Variants in KIRREL3 observed in about 807,000 individuals in gnomAD.
KIRREL3 encodes the protein kirre like nephrin family adhesion molecule 3.
KIRREL3 carries 36 observed loss-of-function variants against 89.7 expected under a neutral mutation model. The ratio of observed to expected loss-of-function variants is 0.40; its 90% confidence interval spans 0.31 to 0.53. KIRREL3 has a LOEUF of 0.53. Among genes scored for constraint, KIRREL3 ranks in the 20% least tolerant of loss-of-function variants. The probability of loss-of-function intolerance (pLI) is 0.49; values close to 1 mark genes in which losing one functional copy is unlikely to be tolerated. For missense variants in KIRREL3, 864 were observed against 1,056.6 expected, an observed-to-expected ratio of 0.82 and a Z score of 2.53; for synonymous variants, 445 against 441.4, an observed-to-expected ratio of 1.01 and a Z score of -0.10.
rs185254554 is a variant in KIRREL3 at position 126,435,051 on chromosome 11, C to A, written c.1588+217G>T. ...GAGAGGAAGGAGTTGTGGGTTCCGG[C>A]GGCAGGCAGGAGACAGGTCTCTGGG... On this transcript the variant is annotated intron_variant, in intron 13 of 16. Coordinates refer to ENST00000525144, the MANE Select transcript of KIRREL3 (RefSeq NM_032531.4). 4.4e-3 allele frequency among the ~76,000 whole-genome samples: 671 copies of A among 152,174 alleles called. 6 individuals are homozygous for A. Among genetic ancestry groups the A allele is most frequent in the African/African-American group, 0.016 (652 of 41,528 alleles).
intron 4 of KIRREL3, among the ~76,000 whole-genome samples, chr11:126,478,825 C>T (rs548775816): frequency 2.0e-5 from 3 of 152,066 alleles, no homozygotes; most frequent in South Asian, 4.2e-4. Context: ...CAGTTGGGAA[C>T]GGGCTGCGTG....
At chr11:126,518,675 G>A (rs1958493245) in intron 4 of KIRREL3, among the ~76,000 whole-genome samples, 1 of 152,220 alleles carries the variant, frequency 6.6e-6, no homozygotes, top group African/African-American at 2.4e-5. Flanking sequence ...AGGCGGCTGG[G>A]CCAAGGAGCA....
intron 2 of KIRREL3, among the ~76,000 whole-genome samples, chr11:126,538,179 G>A (rs914393984): frequency 6.6e-6 from 1 of 152,224 alleles, no homozygotes; most frequent in Non-Finnish European, 1.5e-5. Flanking sequence ...CTGCTCATCC[G>A]GGTTGGCTTC....
At chr11:126,980,004 A>T (rs1949679159) in intron 1 of KIRREL3, among the ~76,000 whole-genome samples, 1 of 152,220 alleles carries the variant, frequency 6.6e-6, no homozygotes, top group South Asian at 2.1e-4. Context: ...AGTCAAGAAC[A>T]AGCTGGACAG....
At position 126,436,890 on chromosome 11, in the gene KIRREL3, G is replaced by T. The variant is rs547178906; in HGVS notation, c.1473C>A (p.Ala491=). 1.2e-6 allele frequency: 2 copies of T among 1,613,538 alleles called. No individual in the cohort carries two copies. The highest frequency in any genetic ancestry group is 1.1e-5 in the South Asian group (1 of 91,066). The change falls in exon 12 of 17, where the codon GCC becomes GCA. Residue 491 remains alanine, a synonymous_variant. Transcript: ENST00000525144. ...STLTISNIVR[A]DFQTIYNCTA... is the part of the protein sequence containing the mutation. The stretch of plus-strand genomic sequence containing the variant: ...TGCAGTTGTAGATGGTCTGGAAGTC[G>T]GCCCGCACGATGTTGCTGATGGTCA...
chr11:126,442,313 AACACACACACACACAC>A (rs71984147), intron 10 of KIRREL3, among the ~76,000 whole-genome samples: 39 of 136,602 alleles, frequency 2.9e-4, no homozygotes, highest in African/African-American at 7.4e-4. Flanking sequence ...AGACACACAA[AACACACACACACACAC>A]ACACACACAC....
At chr11:126,661,798 A>G (rs1392199462) in intron 1 of KIRREL3, among the ~76,000 whole-genome samples, 1 of 152,174 alleles carries the variant, frequency 6.6e-6, no homozygotes, top group East Asian at 1.9e-4. Context: ...TGTATGAATA[A>G]TTTTAAAAAT....
chr11:126,489,626 G>A lies in KIRREL3; in HGVS notation c.434-16160C>T, dbSNP rs1957456050. ...TAAGTTTGGACCCAGGACAGCTGGT[G>A]TCCCCTGGCTTTCCTGAGACCTTGG... On this transcript the variant is annotated intron_variant, in intron 4 of 16. Transcript: ENST00000525144. The surrounding 1 kb of genome is among the most constrained non-coding windows in gnomAD (Gnocchi z 5.5). Among the ~76,000 whole-genome samples, 1 of 152,128 alleles carries A rather than the reference G, an allele frequency of 6.6e-6. No individual in the cohort carries two copies. Among genetic ancestry groups the A allele is most frequent in the Admixed American group, 6.5e-5 (1 of 15,270 alleles).
rs1280266750 is a variant in KIRREL3, at chr11:126,977,889, G to T, written c.55+22566C>A. ...ATGTATGGTTGATATTTTGGATCAGGAAAGAGCATCAATTTCCTGTGTACC... is the reference window on the plus strand; with the variant it reads ...ATGTATGGTTGATATTTTGGATCAGTAAAGAGCATCAATTTCCTGTGTACC... On this transcript the variant is annotated intron_variant, in intron 1 of 16. Transcript: ENST00000525144. This position sits in a 1 kb window ranked among gnomAD's most constrained non-coding sequence, Gnocchi z 4.7. Among the ~76,000 whole-genome samples, 1 of 152,132 alleles carries T rather than the reference G, an allele frequency of 6.6e-6. No homozygotes were observed. Among genetic ancestry groups the T allele is most frequent in the Non-Finnish European group, 1.5e-5 (1 of 68,026 alleles).
chr11:126,433,905 C>G (rs927385683), intron 13 of KIRREL3, among the ~76,000 whole-genome samples: 1 of 152,222 alleles, frequency 6.6e-6, no homozygotes, highest in African/African-American at 2.4e-5. Flanking sequence ...CCCTGGAGAG[C>G]TGGGCAGCAG....
rs895861047 is a variant in KIRREL3 at position 126,455,246 on chromosome 11, C to T, written c.848+1103G>A. On this transcript the variant is annotated intron_variant, in intron 7 of 16. Transcript: ENST00000525144. This position sits in a 1 kb window ranked among gnomAD's most constrained non-coding sequence, Gnocchi z 6.4. ...GGCCATGGCAAGTTCCACGTGGCAC[C>T]CAAAAGGAGGTGAGTCTGCCCTTGA... Among the ~76,000 whole-genome samples, 3 of 152,194 alleles carry T rather than the reference C, an allele frequency of 2.0e-5. No individual in the cohort carries two copies. The highest frequency in any genetic ancestry group is 2.1e-4 in the South Asian group (1 of 4,830).
intron 1 of KIRREL3, among the ~76,000 whole-genome samples, chr11:126,960,614 C>T (rs1029243601): frequency 1.1e-4 from 17 of 152,308 alleles, no homozygotes; most frequent in African/African-American, 4.1e-4. Flanking sequence ...AGAGCACAGC[C>T]TCAAATACCC....
At position 126,424,779 on chromosome 11, in the gene KIRREL3, C is replaced by T; in HGVS notation, c.2138G>A (p.Arg713Lys). The T allele has an allele frequency of 6.2e-7, 1 of 1,614,054 alleles. No individual in the cohort carries two copies. Among genetic ancestry groups the T allele is most frequent in the Non-Finnish European group, 8.5e-7 (1 of 1,179,898 alleles). The part of the protein sequence containing the change: ...SIELCEREFQ[R>K]GSLSDSSSFL... ...GGAGCTGCTGTCGCTGAGGGAGCCTCTCTGGAACTCCCGCTCACAAAGCTC... is the reference window on the plus strand; with the variant it reads ...GGAGCTGCTGTCGCTGAGGGAGCCTTTCTGGAACTCCCGCTCACAAAGCTC... The change falls in exon 17 of 17, where the codon AGA (arginine) becomes AAA (lysine). Residue 713 changes from arginine to lysine, a missense_variant. Arg to Lys is a conservative substitution (Grantham distance 26, BLOSUM62 2). Transcript: ENST00000525144.
intron 1 of KIRREL3, among the ~76,000 whole-genome samples, chr11:126,921,487 G>A (rs911119544): frequency 6.7e-6 from 1 of 149,364 alleles, no homozygotes; most frequent in Non-Finnish European, 1.5e-5. Flanking sequence ...ATCTTCCTGT[G>A]TTCCTATCTA....
In KIRREL3 at chr11:126,463,480, CT is replaced by C. The variant is rs1314074059; in HGVS notation, c.592-174del. 6.6e-6 allele frequency among the ~76,000 whole-genome samples: 1 copy of C among 152,244 alleles called. No individual in the cohort carries two copies. Among genetic ancestry groups the C allele is most frequent in the Non-Finnish European group, 1.5e-5 (1 of 68,044 alleles). On this transcript the variant is annotated intron_variant, in intron 5 of 16. Coordinates refer to ENST00000525144, the MANE Select transcript of KIRREL3 (RefSeq NM_032531.4). The surrounding 1 kb of genome is among the most constrained non-coding windows in gnomAD (Gnocchi z 5.9). ...CTACGCAGAGCTCGGGGGTTACCCC[CT>C]GGCTCCCTGGCCTGGCTAAGTGCTG... is the stretch of plus-strand genomic sequence containing the variant.
chr11:126,857,051 C>A (rs1434210505), intron 1 of KIRREL3, among the ~76,000 whole-genome samples: 1 of 152,210 alleles, frequency 6.6e-6, no homozygotes, highest in Non-Finnish European at 1.5e-5. Context: ...TTTACGTGCA[C>A]CTATGAGGTG....
chr11:126,627,750 A>T lies in KIRREL3; in HGVS notation c.56-64838T>A, dbSNP rs1485639226. Among the ~76,000 whole-genome samples the T allele has an allele frequency of 6.6e-6, 1 of 152,158 alleles. No homozygotes were observed. Among genetic ancestry groups the T allele is most frequent in the Non-Finnish European group, 1.5e-5 (1 of 68,024 alleles). Reference sequence around the variant, plus strand: ...GGAGGGAGGGAGAAGAATGTTCTTTATGGGGGGTGTTGGCAGGATTAGAGG... The same window carrying T: ...GGAGGGAGGGAGAAGAATGTTCTTTTTGGGGGGTGTTGGCAGGATTAGAGG... On this transcript the variant is annotated intron_variant, in intron 1 of 16. Transcript: ENST00000525144. This position sits in a 1 kb window ranked among gnomAD's most constrained non-coding sequence, Gnocchi z 5.0.
At chr11:126,959,490 T>C (rs1282449675) in intron 1 of KIRREL3, among the ~76,000 whole-genome samples, 1 of 152,214 alleles carries the variant, frequency 6.6e-6, no homozygotes, top group African/African-American at 2.4e-5. Context: ...CCCCTCACTC[T>C]GCATGCTATA....
At chr11:126,784,286 C>T (rs893235672) in intron 1 of KIRREL3, among the ~76,000 whole-genome samples, 2 of 152,204 alleles carry the variant, frequency 1.3e-5, no homozygotes, top group South Asian at 2.1e-4. Flanking sequence ...CATACTAATG[C>T]AAGATGTTAA....
Sources: allele counts gnomAD v4.1 joint callset (sites outside exome capture counted in the v4.1 genomes callset), GRCh38; gene constraint gnomAD v4.1.1; non-coding constraint Gnocchi (gnomAD v3.1); transcripts MANE v1.5; gene names NCBI Gene and HGNC (gene_info 2026-07-23, HGNC 2026-07-21).